Variants in SLC4A4 observed in about 807,000 individuals in gnomAD.
The protein encoded by SLC4A4 is electrogenic sodium bicarbonate cotransporter 1.
A neutral mutation model predicts 111.5 loss-of-function variants in SLC4A4; 27 were observed. The ratio of observed to expected loss-of-function variants is 0.24; its 90% CI spans 0.18 to 0.33. SLC4A4 has a LOEUF of 0.33. Among genes scored for constraint, SLC4A4 ranks in the 10% least tolerant of loss-of-function variants. The pLI is 1.00. For synonymous variants in SLC4A4, 443 were observed against 463.4 expected, an observed-to-expected ratio of 0.96 and a Z score of 0.57; for missense variants, 909 against 1,315.5, an observed-to-expected ratio of 0.69 and a Z score of 4.78.
At chr4:71,204,159 G>A (rs1214600071) in intron 1 of SLC4A4, among the ~76,000 whole-genome samples, 2 of 152,168 alleles carry the variant, frequency 1.3e-5, no homozygotes, top group Non-Finnish European at 2.9e-5. Flanking sequence ...TATGCTAATG[G>A]TTCAGTTTCC....
In SLC4A4 at chr4:71,302,931, C is replaced by T. The variant is rs114013887; in HGVS notation, c.254-36439C>T. On this transcript the variant is annotated intron_variant, in intron 3 of 25. Coordinates refer to ENST00000264485, the MANE Select transcript of SLC4A4 (RefSeq NM_001098484.3). ...TTTAGACAGATTGTTTTTCAAGCTC[C>T]GTTATGTCTCCTTAGACTTTTTCAC... Among the ~76,000 whole-genome samples the T allele has an allele frequency of 6.4e-3, 973 of 152,206 alleles. 8 individuals are homozygous for T. Among genetic ancestry groups the T allele is most frequent in the Middle Eastern group, 0.031 (9 of 294 alleles).
chr4:71,113,409 CAGA>C (rs1326174111), intron 2 of SLC4A4, among the ~76,000 whole-genome samples: 1 of 152,176 alleles, frequency 6.6e-6, no homozygotes, highest in Admixed American at 6.5e-5. Flanking sequence ...TATGGTATAG[CAGA>C]AGATGTGCTT....
At position 71,386,264 on chromosome 4, in the gene SLC4A4, A is replaced by G. The variant is rs563316886; in HGVS notation, c.731-11313A>G. ...GTGTTATTAAATTTCACAATGATTC[A>G]TCTGCATACAGGAATTTTTAAATTT... On this transcript the variant is annotated intron_variant, in intron 6 of 25. Coordinates refer to ENST00000264485, the MANE Select transcript of SLC4A4 (RefSeq NM_001098484.3). Among the ~76,000 whole-genome samples, 7 of 152,214 alleles carry G rather than the reference A, an allele frequency of 4.6e-5. No individual in the cohort carries two copies. The South Asian group carries it at 1.4e-3, about 32-fold the overall frequency.
intron 12 of SLC4A4, among the ~76,000 whole-genome samples, chr4:71,455,227 G>A (rs72853213): frequency 0.015 from 2,318 of 152,142 alleles, 61 homozygotes; most frequent in African/African-American, 0.053. Context: ...AAATAATATC[G>A]TGCTGGTCAA....
intron 6 of SLC4A4, among the ~76,000 whole-genome samples, chr4:71,393,002 T>C (rs1719452190): frequency 6.6e-6 from 1 of 152,078 alleles, no homozygotes; most frequent in South Asian, 2.1e-4. Context: ...AAAATTGGCA[T>C]ACAAGGGACG....
chr4:71,405,035 C>T (rs769445833), intron 7 of SLC4A4, among the ~76,000 whole-genome samples: 7 of 151,684 alleles, frequency 4.6e-5, no homozygotes, highest in Admixed American at 6.6e-5. Flanking sequence ...AGGCTGGTCT[C>T]GAATTCCTGG....
intron 16 of SLC4A4, among the ~76,000 whole-genome samples, chr4:71,527,932 A>G (rs567772262): frequency 1.3e-5 from 2 of 152,208 alleles, no homozygotes; most frequent in Admixed American, 6.6e-5. Flanking sequence ...AGAAGAGACC[A>G]AAGTCTGAAC....
At position 71,563,790 on chromosome 4, in the gene SLC4A4, C is replaced by T. The variant is rs886059598; in HGVS notation, c.3100-3C>T. 3.0e-5 allele frequency: 48 copies of T among 1,584,880 alleles called. No individual in the cohort carries two copies. The highest frequency in any genetic ancestry group is 4.1e-5 in the Non-Finnish European group (47 of 1,154,308). ...TAAAACCTCTTGTACATTTTTTTCA[C>T]AGTCTGACTGCCCATACTCAGAAAA... On this transcript the variant is annotated splice_region_variant and splice_polypyrimidine_tract_variant and intron_variant, in intron 23 of 25. Coordinates refer to ENST00000264485, the MANE Select transcript of SLC4A4 (RefSeq NM_001098484.3).
At chr4:71,380,571 C>T (rs1442122555) in intron 6 of SLC4A4, among the ~76,000 whole-genome samples, 1 of 152,178 alleles carries the variant, frequency 6.6e-6, no homozygotes, top group Non-Finnish European at 1.5e-5. Context: ...CATCTGGGTC[C>T]TGGCCTGAGG....
chr4:71,156,208 T>A (rs544033767), intron 2 of SLC4A4, among the ~76,000 whole-genome samples: 33 of 152,172 alleles, frequency 2.2e-4, no homozygotes, highest in Non-Finnish European at 4.4e-4. Flanking sequence ...GTGAGTTGGG[T>A]TTCCATATAC....
chr4:71,144,968 GA>G (rs1439394144), intron 2 of SLC4A4, among the ~76,000 whole-genome samples: 1 of 152,012 alleles, frequency 6.6e-6, no homozygotes, highest in Non-Finnish European at 1.5e-5. Context: ...GCCCTGGCCA[GA>G]ACTTCCAACA....
intron 6 of SLC4A4, among the ~76,000 whole-genome samples, chr4:71,374,563 A>G (rs370002617): frequency 7.9e-5 from 12 of 152,374 alleles, no homozygotes; most frequent in African/African-American, 1.9e-4. Context: ...TCCTGAATTT[A>G]TGAAAAACAT....
intron 1 of SLC4A4, among the ~76,000 whole-genome samples, chr4:71,212,872 C>T (rs927164789): frequency 7.9e-5 from 12 of 152,132 alleles, no homozygotes; most frequent in East Asian, 1.9e-4. Flanking sequence ...CCTTGCATAA[C>T]GATGTTTTGG....
intron 1 of SLC4A4, among the ~76,000 whole-genome samples, chr4:71,090,757 C>T (rs142824335): frequency 2.6e-5 from 4 of 152,050 alleles, no homozygotes; most frequent in East Asian, 1.9e-4. Flanking sequence ...CTTTTTCTTC[C>T]GAAATTATTG....
At chr4:71,132,954 A>C (rs191589047) in intron 2 of SLC4A4, among the ~76,000 whole-genome samples, 2 of 152,242 alleles carry the variant, frequency 1.3e-5, no homozygotes, top group Admixed American at 1.3e-4. Context: ...TGTGGAGGAC[A>C]TGGTGGGAAC....
At chr4:71,417,897 T>C (rs1469629991) in intron 7 of SLC4A4, among the ~76,000 whole-genome samples, 1 of 152,208 alleles carries the variant, frequency 6.6e-6, no homozygotes, top group Non-Finnish European at 1.5e-5. Flanking sequence ...TGGCCTTAGC[T>C]GTATGAGTTT....
Position 71,255,265 on chromosome 4 carries a change from G to C in SLC4A4, c.119G>C (p.Arg40Thr), listed in dbSNP as rs1721360880. 1 of 1,613,442 alleles carries C rather than the reference G, an allele frequency of 6.2e-7. No homozygotes were observed. The highest frequency in any genetic ancestry group is 8.5e-7 in the Non-Finnish European group (1 of 1,179,516). The change falls in exon 3 of 26, where the codon AGG (arginine) becomes ACG (threonine). Residue 40 changes from arginine to threonine, a missense_variant. This residue lies in a region of SLC4A4 where 117 missense variants were observed against 154.2 expected (regional missense o/e 0.76). Transcript: ENST00000264485. ...YIGVHVPKSY[R>T]RRRRHKRKTG... ...GGAGTCCATGTGCCGAAGAGTTACAGGAGAAGGAGACGTCACAAGAGAAAG... is the reference window on the plus strand; with the variant it reads ...GGAGTCCATGTGCCGAAGAGTTACACGAGAAGGAGACGTCACAAGAGAAAG...
chr4:71,566,633 CAA>C (rs796699934), intron 24 of SLC4A4, among the ~76,000 whole-genome samples: 1 of 145,122 alleles, frequency 6.9e-6, no homozygotes, highest in African/African-American at 2.5e-5. Context: ...GTAAGTGCCT[CAA>C]AAAAAAAAAT....
At chr4:71,480,746 C>T (rs1728799929) in intron 14 of SLC4A4, among the ~76,000 whole-genome samples, 1 of 151,700 alleles carries the variant, frequency 6.6e-6, no homozygotes, top group Non-Finnish European at 1.5e-5. Flanking sequence ...TAAAGTTTTT[C>T]TTGTTCACAT....
Sources: gnomAD v4.1 joint callset for allele counts (sites outside exome capture counted in the v4.1 genomes callset) on GRCh38, gnomAD v4.1.1 for gene constraint, gnomAD v4.1.1 regional missense constraint, MANE v1.5 for transcripts, NCBI Gene and HGNC (gene_info 2026-07-23, HGNC 2026-07-21) for gene names.